The following CASK variants were observed in gnomAD, a reference collection of about 807,000 sequenced individuals.
CASK encodes the protein peripheral plasma membrane protein CASK.
In CASK, 4 loss-of-function variants were observed where a neutral mutation model predicts 82.9. That is an observed-to-expected ratio of 0.05 (90% CI 0.02 to 0.11). The LOEUF is 0.11. Ranked by LOEUF, CASK falls within the 10% of genes least tolerant of loss-of-function variation. CASK has a pLI of 1.00. For missense variants in CASK, 358 were observed against 720.9 expected (o/e 0.50, Z 5.76); for synonymous variants, 259 against 253.5 (o/e 1.02, Z -0.20).
chrX:41,769,715 A>C (rs1248759980), intron 3 of CASK, among the ~76,000 whole-genome samples: 1 of 111,268 alleles, frequency 9.0e-6, no homozygotes, highest in Non-Finnish European at 1.9e-5. Flanking sequence ...CTGAGGAGGC[A>C]GGATGATTCC....
At chrX:41,583,150 CTTA>C (rs1363401619) in intron 14 of CASK, among the ~76,000 whole-genome samples, 3 of 111,958 alleles carry the variant, frequency 2.7e-5, no homozygotes, top group East Asian at 2.8e-4. Context: ...ATAAAAATTA[CTTA>C]TTATTTCTGA....
intron 1 of CASK, among the ~76,000 whole-genome samples, chrX:41,917,041 A>G (rs1019525005): frequency 7.1e-5 from 8 of 112,675 alleles, no homozygotes; most frequent in Admixed American, 9.4e-5. Context: ...TGGAACCTCT[A>G]CTGAAGAAAT....
intron 21 of CASK, among the ~76,000 whole-genome samples, chrX:41,551,969 C>T (rs2065104204): frequency 9.3e-6 from 1 of 107,554 alleles, no homozygotes; most frequent in Non-Finnish European, 1.9e-5. Flanking sequence ...CTCTGTCGTC[C>T]AGGCTAGAGT....
chrX:41,818,231 G>A (rs1411637050), intron 2 of CASK, among the ~76,000 whole-genome samples: 3 of 104,475 alleles, frequency 2.9e-5, no homozygotes, highest in Non-Finnish European at 3.9e-5. Flanking sequence ...AAATTCATAC[G>A]AAAAGGACCT....
At chrX:41,918,760 T>C (rs1220514962) in intron 1 of CASK, among the ~76,000 whole-genome samples, 5 of 112,787 alleles carry the variant, frequency 4.4e-5, no homozygotes, top group Non-Finnish European at 7.5e-5. Context: ...TTTGTAAGAA[T>C]TGTAAGCCTC....
chrX:41,728,432 T>G (rs2068308120), intron 5 of CASK: 1 of 127,243 alleles, frequency 7.9e-6, no homozygotes, highest in African/African-American at 3.2e-5. Context: ...TAGTGTTTAT[T>G]GGTAATTTTA....
chrX:41,639,504 T>C (rs1277109070), intron 8 of CASK, among the ~76,000 whole-genome samples: 1 of 108,504 alleles, frequency 9.2e-6, no homozygotes, highest in Non-Finnish European at 1.9e-5. Context: ...TGAAAGATGA[T>C]GGTGGATGAA....
chrX:41,795,323 G>C (rs2069829150), intron 2 of CASK, among the ~76,000 whole-genome samples: 1 of 112,026 alleles, frequency 8.9e-6, no homozygotes, highest in African/African-American at 3.2e-5. Flanking sequence ...TAGCTCTTTT[G>C]CCATTTCATC....
intron 5 of CASK, chrX:41,727,062 G>T (rs767575898): frequency 6.0e-6 from 7 of 1,169,759 alleles, no homozygotes. Context: ...AACCATCTAT[G>T]ATCTCTTCCA....
intron 2 of CASK, among the ~76,000 whole-genome samples, chrX:41,851,008 T>C (rs191484702): frequency 1.8e-5 from 2 of 111,782 alleles, no homozygotes; most frequent in East Asian, 2.8e-4. Flanking sequence ...CCTAACTTTA[T>C]ACTGAGTCGC....
chrX:41,702,574 T>C (rs1040358342), intron 5 of CASK, among the ~76,000 whole-genome samples: 1 of 110,255 alleles, frequency 9.1e-6, no homozygotes, highest in Non-Finnish European at 1.9e-5. Flanking sequence ...GGCGGGCAGA[T>C]CACGAGGTCA....
intron 5 of CASK, among the ~76,000 whole-genome samples, chrX:41,726,433 A>T (rs1343901840): frequency 1.8e-5 from 2 of 111,959 alleles, no homozygotes; most frequent in Admixed American, 1.9e-4. Context: ...TGTAGAACTG[A>T]GTTAACTTCT....
intron 5 of CASK, among the ~76,000 whole-genome samples, chrX:41,687,188 GTAGT>G (rs1287093028): frequency 2.7e-5 from 3 of 112,226 alleles, no homozygotes; most frequent in East Asian, 5.6e-4. Flanking sequence ...TAGAATGCAC[GTAGT>G]TAAATGCCTA....
At chrX:41,911,721 A>T (rs945910520) in intron 1 of CASK, among the ~76,000 whole-genome samples, 3 of 112,118 alleles carry the variant, frequency 2.7e-5, no homozygotes, top group African/African-American at 9.7e-5. Flanking sequence ...GTCTAAATGC[A>T]AACATAAGAA....
intron 8 of CASK, among the ~76,000 whole-genome samples, chrX:41,649,616 G>A (rs184733292): frequency 4.3e-4 from 48 of 112,056 alleles, no homozygotes; most frequent in African/African-American, 1.4e-3. Flanking sequence ...TGGTCTGAGA[G>A]ACAGTTTGTT....
intron 1 of CASK, among the ~76,000 whole-genome samples, chrX:41,880,013 C>T (rs935496500): frequency 9.0e-6 from 1 of 111,560 alleles, no homozygotes; most frequent in African/African-American, 3.3e-5. Flanking sequence ...CCTTATGCAT[C>T]CCCAATTTAA....
At position 41,850,553 on chromosome X, in the gene CASK, G is replaced by C. The variant is rs1020613594; in HGVS notation, c.172+2562C>G. On this transcript the variant is annotated intron_variant, in intron 2 of 26. Transcript: ENST00000378163. ...ATTTTAAATTATCTGTTGCTTAAGAGATAAGTTTATTTGGGAAAGAATGTA... is the reference window on the plus strand; with the variant it reads ...ATTTTAAATTATCTGTTGCTTAAGACATAAGTTTATTTGGGAAAGAATGTA... 7.1e-5 allele frequency among the ~76,000 whole-genome samples: 8 copies of C among 112,403 alleles called. No individual in the cohort carries two copies. The East Asian group carries it at 1.7e-3, about 23-fold the overall frequency.
chrX:41,636,375 G>T (rs2147367640), intron 9 of CASK, among the ~76,000 whole-genome samples: 1 of 111,771 alleles, frequency 8.9e-6, no homozygotes, highest in African/African-American at 3.2e-5. Flanking sequence ...ATAATTTATT[G>T]TTCAGACTCA....
intron 2 of CASK, among the ~76,000 whole-genome samples, chrX:41,819,229 A>C (rs1378331103): frequency 9.0e-6 from 1 of 111,650 alleles, no homozygotes; most frequent in Admixed American, 9.5e-5. Context: ...TTAATGATCA[A>C]GGAAAATGAG....
Sources: gnomAD v4.1 joint callset for allele counts (sites outside exome capture counted in the v4.1 genomes callset) on GRCh38, gnomAD v4.1.1 for gene constraint, MANE v1.5 for transcripts, NCBI Gene and HGNC (gene_info 2026-07-23, HGNC 2026-07-21) for gene names.